CFAP74: variants seen among roughly 807,000 people sequenced by gnomAD.
The protein encoded by CFAP74 is cilia and flagella associated protein 74.
In CFAP74, 124 loss-of-function variants were observed where a neutral mutation model predicts 188.9. That is an observed-to-expected ratio of 0.66 (90% CI 0.57 to 0.76). CFAP74 has a LOEUF of 0.76. Ranked by LOEUF, CFAP74 falls within the 30% of genes least tolerant of loss-of-function variation. CFAP74 has a pLI of 0.00. For synonymous variants in CFAP74, 956 were observed against 916.7 expected (o/e 1.04, Z -0.77); for missense variants, 2,198 against 2,165.2 (o/e 1.02, Z -0.30).
chr1:1,974,187 C>T lies in CFAP74; in HGVS notation c.512G>A (p.Trp171Ter), dbSNP rs1656286391. ...TCGCCCCTCCTGGATCTCGATGTGC[C>T]ACATGGTGTTCCTTCAAACAAGAGG... ...AVLKESENTM[W>*]HIEIQEGRLE... The change falls in exon 7 of 39, where the codon TGG (tryptophan) becomes TAG (stop). Residue 171 changes from tryptophan to a stop codon, truncating the protein, a stop_gained. Coordinates refer to ENST00000682832, the MANE Select transcript of CFAP74 (RefSeq NM_001304360.2). LOFTEE classifies it high-confidence loss of function. The T allele has an allele frequency of 1.9e-6, 3 of 1,600,090 alleles. No homozygotes were observed. The highest frequency in any genetic ancestry group is 2.6e-6 in the Non-Finnish European group (3 of 1,171,042).
intron 9 of CFAP74, among the ~76,000 whole-genome samples, chr1:1,971,439 A>G (rs913854224): frequency 6.6e-6 from 1 of 152,166 alleles, no homozygotes; most frequent in Non-Finnish European, 1.5e-5. Context: ...GCAAACGTGC[A>G]CACACACATG....
chr1:2,002,024 T>C (rs1310413293), intron 1 of CFAP74, among the ~76,000 whole-genome samples: 2 of 152,134 alleles, frequency 1.3e-5, no homozygotes, highest in African/African-American at 2.4e-5. Flanking sequence ...CCTGATGCAA[T>C]CAACTGGCAA....
intron 33 of CFAP74, 66 bp from the exon 34 acceptor site, chr1:1,924,586 G>A: frequency 6.5e-7 from 1 of 1,535,228 alleles, no homozygotes; most frequent in Admixed American, 2.0e-5. Flanking sequence ...CCTGTCGTCG[G>A]TGCCCAGGAC....
rs1376313590 is a variant in CFAP74, at chr1:1,935,164, C to T, written c.3011+3691G>A. ...ACGTGGGTGTTAGGTTGTAGGTACA[C>T]ACGTGTGTACGTGGGTGTTAGGTTG... On this transcript the variant is annotated intron_variant, in intron 25 of 38. Transcript: ENST00000682832. Among the ~76,000 whole-genome samples the T allele has an allele frequency of 6.3e-5, 5 of 79,848 alleles. 2 individuals carry two copies. The highest frequency in any genetic ancestry group is 1.0e-4 in the Non-Finnish European group (4 of 39,482). 52.4% of individuals were successfully genotyped at this position (79,848 alleles called of 152,430 possible).
chr1:1,938,166 TACAC>T (rs1298590690), intron 25 of CFAP74, among the ~76,000 whole-genome samples: 2 of 132,960 alleles, frequency 1.5e-5, no homozygotes, highest in Admixed American at 7.7e-5. Context: ...CACTCAACCT[TACAC>T]ACCCACATAC....
intron 20 of CFAP74, among the ~76,000 whole-genome samples, 193 bp from the exon 21 acceptor site, chr1:1,944,645 C>T (rs1474487604): frequency 6.6e-6 from 1 of 152,290 alleles, no homozygotes; most frequent in African/African-American, 2.4e-5. Flanking sequence ...CTCGCTCTGT[C>T]GCCCAGGCTG....
intron 10 of CFAP74, 87 bp downstream of exon 10, chr1:1,970,572 T>C: frequency 7.0e-7 from 1 of 1,426,822 alleles, no homozygotes; most frequent in Admixed American, 2.2e-5. Context: ...GCAGCTTTGC[T>C]CAATGTGAAG....
chr1:1,926,613 G>A (rs2102030924), intron 30 of CFAP74, 39 bp downstream of exon 30: 1 of 1,545,332 alleles, frequency 6.5e-7, no homozygotes, highest in Admixed American at 2.0e-5. Flanking sequence ...GTGTGCCTGG[G>A]CACCGGGGTG....
intron 23 of CFAP74, 106 bp from the exon 24 acceptor site, chr1:1,939,873 ACT>A (rs1653243233): frequency 8.9e-7 from 1 of 1,125,412 alleles, no homozygotes; most frequent in African/African-American, 1.5e-5. Context: ...GCCATGGCCC[ACT>A]GTTTCCAGGA....
intron 18 of CFAP74, 60 bp downstream of exon 18, chr1:1,955,631 A>AT: frequency 6.2e-7 from 1 of 1,612,114 alleles, no homozygotes; most frequent in Non-Finnish European, 8.5e-7. Context: ...GCCCCCTGGA[A>AT]TGCTGCCCTG....
Position 1,956,724 on chromosome 1 carries a change from G to C in CFAP74, c.1912C>G (p.Arg638Gly), listed in dbSNP as rs372745962. 3 of 1,613,836 alleles carry C rather than the reference G, an allele frequency of 1.9e-6. No homozygotes were observed. Among genetic ancestry groups the C allele is most frequent in the East Asian group, 4.5e-5 (2 of 44,872 alleles). ...CCAACGTTGGTCAGCGTGATGGTCC[G>C]AGACGTGGTCTCTCCTACCACGTAG... The part of the protein sequence containing the change: ...GSYVVGETTS[R>G]TITLTNVGGL... Residue 638 changes from arginine (R) to glycine (G), a missense_variant, in exon 17 of 39, where the codon CGG becomes GGG. By Grantham distance (125) the Arg-to-Gly change is moderately radical. Coordinates refer to ENST00000682832, the MANE Select transcript of CFAP74 (RefSeq NM_001304360.2).
rs112585340 is a variant in CFAP74 at position 1,933,330 on chromosome 1, G to C, written c.3012-2994C>G. ...GAGTAGCTGGGATTACAGGTGTGCA[G>C]CACCTTACCTGGCTAATTTTTGCAT... is the stretch of plus-strand genomic sequence containing the variant. On this transcript the variant is annotated intron_variant, in intron 25 of 38. Coordinates refer to ENST00000682832, the MANE Select transcript of CFAP74 (RefSeq NM_001304360.2). 2.4e-3 allele frequency among the ~76,000 whole-genome samples: 369 copies of C among 151,784 alleles called. 1 individual carries two copies. The highest frequency in any genetic ancestry group is 8.3e-3 in the African/African-American group (344 of 41,350).
In CFAP74 at chr1:1,922,332, C is replaced by T; in HGVS notation, c.4875G>A (p.Glu1625=). The change falls in exon 39 of 39, where the codon GAG becomes GAA. Residue 1625 remains glutamate, a synonymous_variant. Transcript: ENST00000682832. ...ALLQLRGDVK[E]TYKVIFVAQV... is the part of the protein sequence containing the mutation. The stretch of plus-strand genomic sequence containing the variant: ...GGGCTACAAAGATGACCTTGTAGGT[C>T]TCCTTCACATCCCCCCTTAGCTGCA... 6.2e-7 allele frequency: 1 copy of T among 1,605,622 alleles called. No homozygotes were observed. Among genetic ancestry groups the T allele is most frequent in the Non-Finnish European group, 8.5e-7 (1 of 1,177,686 alleles).
At chr1:1,970,241 C>T (rs1288788069) in intron 10 of CFAP74, among the ~76,000 whole-genome samples, 1 of 152,218 alleles carries the variant, frequency 6.6e-6, no homozygotes, top group East Asian at 1.9e-4. Context: ...GGTGGACGGC[C>T]CTGGACAGGG....
At position 1,973,322 on chromosome 1, in the gene CFAP74, G is replaced by T. The variant is rs1240722944; in HGVS notation, c.675-275C>A. On this transcript the variant is annotated intron_variant, in intron 7 of 38. Transcript: ENST00000682832. The surrounding 1 kb of genome is among the most constrained non-coding windows in gnomAD (Gnocchi z 6.2). ...CAGCTGGGCAGGGGTCTGGGAAGAG[G>T]ACGGTGCAGGCACAGCAGTGCTGTG... Among the ~76,000 whole-genome samples the T allele has an allele frequency of 6.6e-6, 1 of 152,230 alleles. No homozygotes were observed. Among genetic ancestry groups the T allele is most frequent in the East Asian group, 1.9e-4 (1 of 5,194 alleles).
chr1:2,001,551 C>G (rs1175385297), intron 1 of CFAP74, among the ~76,000 whole-genome samples: 1 of 152,188 alleles, frequency 6.6e-6, no homozygotes, highest in Non-Finnish European at 1.5e-5. Flanking sequence ...TGGTCTCGAT[C>G]TACTGACCTC....
At chr1:1,978,414 C>T (rs190837378) in intron 6 of CFAP74, among the ~76,000 whole-genome samples, 1 of 151,372 alleles carries the variant, frequency 6.6e-6, no homozygotes, top group Non-Finnish European at 1.5e-5. Context: ...CGTGTCTCAG[C>T]GGGGATGGGT....
rs146084753 is a variant in CFAP74 at position 1,923,648 on chromosome 1, A to T, written c.4389+127T>A. ...TCTGGTCTTTCCACTGACGGCCCTCAGTGTGGTGCTGAGTCCCCCAGCCAT... is the reference window on the plus strand; with the variant it reads ...TCTGGTCTTTCCACTGACGGCCCTCTGTGTGGTGCTGAGTCCCCCAGCCAT... On this transcript the variant is annotated intron_variant, in intron 35 of 38. Transcript: ENST00000682832. The surrounding 1 kb of genome is among the most constrained non-coding windows in gnomAD (Gnocchi z 6.3). The T allele has an allele frequency of 5.2e-6, 8 of 1,531,400 alleles. No homozygotes were observed. Among genetic ancestry groups the T allele is most frequent in the Non-Finnish European group, 7.1e-6 (8 of 1,122,604 alleles). 94.9% of individuals were successfully genotyped at this position (1,531,400 alleles called of 1,614,324 possible).
Position 1,923,360 on chromosome 1 carries a change from G to A in CFAP74, c.4522+7C>T. 1 of 1,562,164 alleles carries A rather than the reference G, an allele frequency of 6.4e-7. No homozygotes were observed. Among genetic ancestry groups the A allele is most frequent in the Non-Finnish European group, 8.7e-7 (1 of 1,153,120 alleles). ...CGTGTCTGTTCCCTCCCTGGGGAGG[G>A]GCTCACCCTCTCTGTGCCTGGGGTC... On this transcript the variant is annotated splice_region_variant and intron_variant, in intron 36 of 38. Coordinates refer to ENST00000682832, the MANE Select transcript of CFAP74 (RefSeq NM_001304360.2). The surrounding 1 kb of genome is among the most constrained non-coding windows in gnomAD (Gnocchi z 6.3).
Sources: allele counts gnomAD v4.1 joint callset (sites outside exome capture counted in the v4.1 genomes callset), GRCh38; gene constraint gnomAD v4.1.1; non-coding constraint Gnocchi (gnomAD v3.1); transcripts MANE v1.5; gene names NCBI Gene and HGNC (gene_info 2026-07-23, HGNC 2026-07-21).